Variants in MDGA2 observed in about 807,000 individuals in gnomAD.
The protein encoded by MDGA2 is MAM domain containing glycosylphosphatidylinositol anchor 2, also known as MAM domain-containing glycosylphosphatidylinositol anchor protein 2.
MDGA2 carries 40 observed loss-of-function variants against 117.8 expected under a neutral mutation model. The ratio of observed to expected loss-of-function variants is 0.34; its 90% CI spans 0.26 to 0.44. The LOEUF is 0.44. Among genes scored for constraint, MDGA2 ranks in the 20% least tolerant of loss-of-function variants. The pLI is 1.00. For missense variants in MDGA2, 1,123 were observed against 1,250.6 expected, an observed-to-expected ratio of 0.90 and a Z score of 1.54; for synonymous variants, 452 against 439.0, an observed-to-expected ratio of 1.03 and a Z score of -0.37.
At chr14:46,976,182 C>T (rs964094000) in intron 8 of MDGA2, among the ~76,000 whole-genome samples, 2 of 152,000 alleles carry the variant, frequency 1.3e-5, no homozygotes, top group Non-Finnish European at 2.9e-5. Flanking sequence ...TCCACTAAAC[C>T]ATATGCTTAA....
At chr14:47,027,625 T>C (rs986270683) in intron 8 of MDGA2, among the ~76,000 whole-genome samples, 2 of 69,756 alleles carry the variant, frequency 2.9e-5, no homozygotes, top group Admixed American at 1.4e-4. Context: ...AGATATTATA[T>C]ATTATATATA....
At chr14:47,574,628 C>A (rs1896082649) in intron 1 of MDGA2, among the ~76,000 whole-genome samples, 1 of 151,986 alleles carries the variant, frequency 6.6e-6, no homozygotes. Context: ...ATGTCTAGTA[C>A]CACTGCTATT....
At chr14:47,032,260 C>A (rs1888689314) in intron 8 of MDGA2, among the ~76,000 whole-genome samples, 1 of 151,782 alleles carries the variant, frequency 6.6e-6, no homozygotes, top group Admixed American at 6.6e-5. Flanking sequence ...CACAGGTATC[C>A]AAGTTAAGCA....
At chr14:47,579,249 T>C (rs1221786522) in intron 1 of MDGA2, among the ~76,000 whole-genome samples, 7 of 152,068 alleles carry the variant, frequency 4.6e-5, no homozygotes, top group African/African-American at 1.7e-4. Context: ...TCCAGTTGAA[T>C]GACTAATGAA....
rs1468683789 is a variant in MDGA2, at chr14:47,674,660, C to T, written c.137G>A (p.Trp46Ter). ...GLARARVERA[W>*]LAAGLLKVPL... ...GACCTTCAGGAGGCCGGCGGCCAGC[C>T]AGGCGCGCTCCACTCGCGCCCGGGC... The change falls in exon 1 of 17, where the codon TGG becomes TAG. Residue 46 changes from tryptophan (W) to a stop codon, truncating the protein, a stop_gained. Transcript: ENST00000399232. LOFTEE classifies it high-confidence loss of function. 4 of 1,436,586 alleles carry T rather than the reference C, an allele frequency of 2.8e-6. No homozygotes were observed. The highest frequency in any genetic ancestry group is 2.5e-5 in the East Asian group (1 of 40,264). 89.0% of individuals were successfully genotyped at this position (1,436,586 alleles called of 1,614,324 possible).
chr14:47,588,847 TCTCA>T (rs1425759391), intron 1 of MDGA2, among the ~76,000 whole-genome samples: 1 of 151,818 alleles, frequency 6.6e-6, no homozygotes, highest in Non-Finnish European at 1.5e-5. Flanking sequence ...GCAAAATGGA[TCTCA>T]CTCAAATTTG....
intron 10 of MDGA2, among the ~76,000 whole-genome samples, chr14:46,885,742 A>T (rs183753681): frequency 4.8e-5 from 7 of 145,526 alleles, no homozygotes; most frequent in Non-Finnish European, 9.5e-5. Flanking sequence ...ATGACTCATG[A>T]CTCAGCATAA....
intron 1 of MDGA2, among the ~76,000 whole-genome samples, chr14:47,646,624 G>A (rs1211058478): frequency 6.6e-6 from 1 of 152,122 alleles, no homozygotes; most frequent in Non-Finnish European, 1.5e-5. Context: ...TCATTATGGT[G>A]TGCAGCTGAG....
At chr14:47,022,702 T>C (rs1566578906) in intron 8 of MDGA2, among the ~76,000 whole-genome samples, 2 of 152,108 alleles carry the variant, frequency 1.3e-5, no homozygotes, top group African/African-American at 4.8e-5. Context: ...GTCTTGAAGA[T>C]TGTAAAGAGT....
intron 1 of MDGA2, among the ~76,000 whole-genome samples, chr14:47,570,963 C>A (rs1460845372): frequency 1.3e-5 from 2 of 152,136 alleles, no homozygotes; most frequent in Admixed American, 1.3e-4. Flanking sequence ...TCAGAGTGAA[C>A]AGGCAACCTA....
chr14:46,906,895 C>T (rs1883514385), intron 10 of MDGA2, among the ~76,000 whole-genome samples: 1 of 151,264 alleles, frequency 6.6e-6, no homozygotes, highest in Non-Finnish European at 1.5e-5. Flanking sequence ...AAAAATGTGC[C>T]AATACATAGA....
intron 1 of MDGA2, among the ~76,000 whole-genome samples, chr14:47,410,936 T>C (rs1356465411): frequency 6.6e-6 from 1 of 152,182 alleles, no homozygotes; most frequent in African/African-American, 2.4e-5. Flanking sequence ...TCAAATACTT[T>C]TCTAATTCAA....
chr14:47,358,774 C>T (rs1891049460), intron 1 of MDGA2, among the ~76,000 whole-genome samples: 1 of 152,124 alleles, frequency 6.6e-6, no homozygotes, highest in South Asian at 2.1e-4. Context: ...AGAATCTTTA[C>T]ACTGAAAACT....
chr14:47,073,544 T>A (rs541648397), intron 6 of MDGA2, among the ~76,000 whole-genome samples: 51 of 152,324 alleles, frequency 3.3e-4, no homozygotes, highest in African/African-American at 1.2e-3. Flanking sequence ...TCTATCACTA[T>A]TCTTTCTGCC....
intron 1 of MDGA2, among the ~76,000 whole-genome samples, chr14:47,664,396 T>A (rs1897904543): frequency 6.6e-6 from 1 of 151,928 alleles, no homozygotes; most frequent in African/African-American, 2.4e-5. Context: ...TGTAGATTTT[T>A]AAGAACAGAA....
chr14:47,335,284 TAA>T (rs35051327), intron 1 of MDGA2, among the ~76,000 whole-genome samples: 13,433 of 107,682 alleles, frequency 0.12, 737 homozygotes, highest in Middle Eastern at 0.16. Context: ...AAGTATATGG[TAA>T]AAAAAAAAAA....
At chr14:47,358,958 C>CA (rs957989474) in intron 1 of MDGA2, among the ~76,000 whole-genome samples, 15 of 152,010 alleles carry the variant, frequency 9.9e-5, no homozygotes, top group Non-Finnish European at 2.1e-4. Flanking sequence ...AACAAACAAA[C>CA]AAAAAAACTC....
At chr14:46,920,823 T>C (rs971142056) in intron 9 of MDGA2, among the ~76,000 whole-genome samples, 2 of 152,196 alleles carry the variant, frequency 1.3e-5, no homozygotes, top group Non-Finnish European at 1.5e-5. Context: ...TTAGTGGAAA[T>C]GAAAATTTGT....
At chr14:47,623,789 A>G (rs1897092892) in intron 1 of MDGA2, among the ~76,000 whole-genome samples, 1 of 152,210 alleles carries the variant, frequency 6.6e-6, no homozygotes, top group Non-Finnish European at 1.5e-5. Flanking sequence ...TAAAACCCAA[A>G]CTATTACCCC....
Sources: gnomAD v4.1 joint callset for allele counts (sites outside exome capture counted in the v4.1 genomes callset) on GRCh38, gnomAD v4.1.1 for gene constraint, MANE v1.5 for transcripts, NCBI Gene and HGNC (gene_info 2026-07-23, HGNC 2026-07-21) for gene names.